ZNF521: variants seen among roughly 807,000 people sequenced by gnomAD.
ZNF521 encodes LYST-interacting protein 3.
In ZNF521, 14 loss-of-function variants were observed where a neutral mutation model predicts 105.5. The ratio of observed to expected loss-of-function variants is 0.13; its 90% confidence interval spans 0.09 to 0.21. The LOEUF (loss-of-function observed/expected upper bound fraction) is 0.21. Ranked by LOEUF, ZNF521 falls within the 10% of genes least tolerant of loss-of-function variation. The pLI is 1.00. For synonymous variants in ZNF521, 635 were observed against 606.0 expected, an observed-to-expected ratio of 1.05 and a Z score of -0.70; for missense variants, 1,233 against 1,629.7, an observed-to-expected ratio of 0.76 and a Z score of 4.19.
intron 3 of ZNF521, among the ~76,000 whole-genome samples, chr18:25,294,483 T>G (rs796194296): frequency 2.6e-5 from 4 of 152,348 alleles, no homozygotes; most frequent in African/African-American, 9.6e-5. Flanking sequence ...TTTCACCATG[T>G]GCAAATTACA....
intron 4 of ZNF521, among the ~76,000 whole-genome samples, chr18:25,218,805 G>A (rs553784383): frequency 1.6e-4 from 24 of 151,992 alleles, no homozygotes; most frequent in Non-Finnish European, 2.9e-4. Flanking sequence ...CCGAGATCAC[G>A]CCATTGCACT....
At chr18:25,320,792 T>C (rs1233881454) in intron 3 of ZNF521, among the ~76,000 whole-genome samples, 1 of 152,188 alleles carries the variant, frequency 6.6e-6, no homozygotes, top group East Asian at 1.9e-4. Flanking sequence ...TATATATGTA[T>C]GGCCAATATT....
At position 25,108,518 on chromosome 18, in the gene ZNF521, A is replaced by G. The variant is rs531348588; in HGVS notation, c.3659-16437T>C. 8.5e-5 allele frequency among the ~76,000 whole-genome samples: 13 copies of G among 152,272 alleles called. No individual in the cohort carries two copies. The South Asian group carries it at 2.7e-3, about 32-fold the overall frequency. ...TTAGTAATAATAGATATTGGAATTCATAGTTCTTATTCCATTTTAAAACCT... is the reference window on the plus strand; with the variant it reads ...TTAGTAATAATAGATATTGGAATTCGTAGTTCTTATTCCATTTTAAAACCT... On this transcript the variant is annotated intron_variant, in intron 5 of 7. Transcript: ENST00000361524.
rs191621965 is a variant in ZNF521, at chr18:25,092,891, A to G, written c.3659-810T>C. 2.5e-3 allele frequency among the ~76,000 whole-genome samples: 387 copies of G among 152,340 alleles called. 3 individuals are homozygous for G. Among genetic ancestry groups the G allele is most frequent in the African/African-American group, 8.5e-3 (353 of 41,572 alleles). On this transcript the variant is annotated intron_variant, in intron 5 of 7. Coordinates refer to ENST00000361524, the MANE Select transcript of ZNF521 (RefSeq NM_015461.3). Reference sequence around the variant, plus strand: ...TTTTAAACATTTATGGATTTTAAACATTTAAAATTAAAATTTAAAATTGAA... The same window carrying G: ...TTTTAAACATTTATGGATTTTAAACGTTTAAAATTAAAATTTAAAATTGAA...
chr18:25,348,950 TCA>T (rs1914580167), intron 2 of ZNF521, among the ~76,000 whole-genome samples: 5 of 152,290 alleles, frequency 3.3e-5, no homozygotes, highest in Admixed American at 1.3e-4. Flanking sequence ...ACAAACGCAT[TCA>T]CAGTCAACCA....
At chr18:25,134,705 TC>T (rs1358929990) in intron 5 of ZNF521, among the ~76,000 whole-genome samples, 7 of 152,050 alleles carry the variant, frequency 4.6e-5, no homozygotes, top group Non-Finnish European at 1.0e-4. Flanking sequence ...GATAAAAGGC[TC>T]CATTAGATGT....
intron 3 of ZNF521, among the ~76,000 whole-genome samples, chr18:25,298,991 C>T (rs1329293517): frequency 6.6e-6 from 1 of 152,158 alleles, no homozygotes; most frequent in Non-Finnish European, 1.5e-5. Flanking sequence ...GGACAACGGA[C>T]ATCCTGGGCG....
chr18:25,287,411 C>A (rs1600260124), intron 3 of ZNF521, among the ~76,000 whole-genome samples: 1 of 152,264 alleles, frequency 6.6e-6, no homozygotes, highest in East Asian at 1.9e-4. Context: ...TTTGTTTCAA[C>A]AACACGTTAA....
chr18:25,234,438 C>T (rs1600190437), intron 3 of ZNF521, among the ~76,000 whole-genome samples: 2 of 152,258 alleles, frequency 1.3e-5, no homozygotes, highest in African/African-American at 2.4e-5. Context: ...TTTTTCATTG[C>T]TTTAATCCAT....
chr18:25,196,470 C>T (rs1314133411), intron 4 of ZNF521, among the ~76,000 whole-genome samples: 2 of 150,886 alleles, frequency 1.3e-5, no homozygotes, highest in Non-Finnish European at 3.0e-5. Context: ...ATTATAAATG[C>T]CATTAATATA....
chr18:25,290,898 AATGG>A (rs937806986), intron 3 of ZNF521, among the ~76,000 whole-genome samples: 2 of 152,116 alleles, frequency 1.3e-5, no homozygotes, highest in Non-Finnish European at 2.9e-5. Flanking sequence ...TAAATGAATT[AATGG>A]ATGGATGGAT....
chr18:25,124,952 T>C (rs1241956160), intron 5 of ZNF521, among the ~76,000 whole-genome samples: 1 of 152,194 alleles, frequency 6.6e-6, no homozygotes, highest in Non-Finnish European at 1.5e-5. Context: ...ATGGAAGTGT[T>C]ATTATGGCAT....
intron 4 of ZNF521, among the ~76,000 whole-genome samples, chr18:25,212,391 T>A (rs931992135): frequency 4.7e-5 from 7 of 149,768 alleles, no homozygotes; most frequent in Admixed American, 2.0e-4. Context: ...ACACCTGTAG[T>A]CTCAGCTACT....
chr18:25,297,816 C>G (rs1348342615), intron 3 of ZNF521, among the ~76,000 whole-genome samples: 2 of 152,168 alleles, frequency 1.3e-5, no homozygotes, highest in Admixed American at 6.5e-5. Context: ...TGCTAGAAGA[C>G]TGAGATGAGT....
chr18:25,208,651 T>C (rs948667021), intron 4 of ZNF521, among the ~76,000 whole-genome samples: 1 of 152,232 alleles, frequency 6.6e-6, no homozygotes, highest in African/African-American at 2.4e-5. Flanking sequence ...TCACTGCTTA[T>C]AATTATCAAT....
chr18:25,225,820 C>T lies in ZNF521; in HGVS notation c.2098G>A (p.Asp700Asn). ...TCATCCACTGATGTGAATTGCTTGT[C>T]ACAACTCTCACAGATGTAATACGTT... ...TSTYYICESC[D>N]KQFTSVDDLQ... Residue 700 changes from aspartate to asparagine, a missense_variant, in exon 4 of 8, where the codon GAC becomes AAC. By Grantham distance (23) the Asp-to-Asn change is conservative. This residue lies in a region of ZNF521 where 614 missense variants were observed against 751.5 expected (regional missense o/e 0.82). Transcript: ENST00000361524. The surrounding 1 kb of genome is among the most constrained non-coding windows in gnomAD (Gnocchi z 5.6). The T allele has an allele frequency of 6.2e-7, 1 of 1,614,214 alleles. No individual in the cohort carries two copies. The highest frequency in any genetic ancestry group is 8.5e-7 in the Non-Finnish European group (1 of 1,180,032).
intron 7 of ZNF521, among the ~76,000 whole-genome samples, chr18:25,070,858 A>G (rs1420568025): frequency 6.6e-6 from 1 of 152,148 alleles, no homozygotes; most frequent in South Asian, 2.1e-4. Context: ...CTGGGAAATA[A>G]GGAGGGTTCT....
chr18:25,218,333 G>C (rs1175355533), intron 4 of ZNF521, among the ~76,000 whole-genome samples: 1 of 151,908 alleles, frequency 6.6e-6, no homozygotes, highest in Non-Finnish European at 1.5e-5. Context: ...AACTTAAAAC[G>C]TGGTAAGGGG....
intron 7 of ZNF521, among the ~76,000 whole-genome samples, chr18:25,067,338 T>G: frequency 6.6e-6 from 1 of 152,154 alleles, no homozygotes; most frequent in East Asian, 1.9e-4. Flanking sequence ...ATTTTTTTTC[T>G]CTATAAATGT....
Sources: allele counts gnomAD v4.1 joint callset (sites outside exome capture counted in the v4.1 genomes callset), GRCh38; gene constraint gnomAD v4.1.1; regional missense constraint gnomAD v4.1.1; non-coding constraint Gnocchi (gnomAD v3.1); transcripts MANE v1.5; gene names NCBI Gene and HGNC (gene_info 2026-07-23, HGNC 2026-07-21).